PTPRQ: variants seen among roughly 807,000 people sequenced by gnomAD.
PTPRQ encodes the protein protein tyrosine phosphatase receptor type Q.
A neutral mutation model predicts 246.0 loss-of-function variants in PTPRQ; 199 were observed. That is an observed-to-expected ratio of 0.81 (90% CI 0.72 to 0.91). PTPRQ has a LOEUF of 0.91. PTPRQ is among the 40% of genes least tolerant of loss of function. The pLI, the probability that PTPRQ is intolerant of heterozygous loss-of-function variation, is 0.00. For synonymous variants in PTPRQ, 869 were observed against 853.2 expected, an observed-to-expected ratio of 1.02 and a Z score of -0.32; for missense variants, 2,624 against 2,528.4, an observed-to-expected ratio of 1.04 and a Z score of -0.81.
chr12:80,452,487 T>G (rs529810312), intron 3 of PTPRQ, among the ~76,000 whole-genome samples: 1 of 152,328 alleles, frequency 6.6e-6, no homozygotes, highest in East Asian at 1.9e-4. Context: ...TTGGCATGAT[T>G]TTTCAGTGGC....
chr12:80,648,262 A>G (rs1014624788), intron 35 of PTPRQ, among the ~76,000 whole-genome samples: 37 of 152,182 alleles, frequency 2.4e-4, no homozygotes, highest in Admixed American at 1.5e-3. Context: ...TTTGTTGTGC[A>G]TGACGTAAGT....
chr12:80,608,106 G>A (rs914497910), intron 27 of PTPRQ, among the ~76,000 whole-genome samples: 1 of 150,638 alleles, frequency 6.6e-6, no homozygotes, highest in Non-Finnish European at 1.5e-5. Context: ...GAATGAATAG[G>A]GGTACACAAG....
At chr12:80,498,887 AC>A (rs5799481) in intron 14 of PTPRQ, among the ~76,000 whole-genome samples, 38,097 of 151,946 alleles carry the variant, frequency 0.25, 5,466 homozygotes, top group African/African-American at 0.39. Flanking sequence ...ATAATCTTTT[AC>A]TTAGTATTGA....
chr12:80,634,225 T>G (rs1899553692), intron 34 of PTPRQ, among the ~76,000 whole-genome samples: 1 of 152,204 alleles, frequency 6.6e-6, no homozygotes, highest in African/African-American at 2.4e-5. Flanking sequence ...ACTTTCCATA[T>G]CATCCTTGAT....
chr12:80,495,908 T>C, intron 12 of PTPRQ, 91 bp from the exon 13 acceptor site: 1 of 1,414,292 alleles, frequency 7.1e-7, no homozygotes, highest in Admixed American at 2.9e-5. Flanking sequence ...GTCCCCCGTA[T>C]AAATTCTTCT....
chr12:80,539,532 G>C (rs1896085699), intron 19 of PTPRQ, among the ~76,000 whole-genome samples: 1 of 152,026 alleles, frequency 6.6e-6, no homozygotes, highest in African/African-American at 2.4e-5. Flanking sequence ...TTGGCTTGGA[G>C]TTTTTATTCT....
chr12:80,587,058 T>C (rs1387187613), intron 25 of PTPRQ, among the ~76,000 whole-genome samples: 1 of 152,204 alleles, frequency 6.6e-6, no homozygotes, highest in Admixed American at 6.5e-5. Flanking sequence ...ATTGATACTT[T>C]TATTGTTTAC....
At chr12:80,480,541 A>T (rs200961797) in intron 8 of PTPRQ, among the ~76,000 whole-genome samples, 2,187 of 142,300 alleles carry the variant, frequency 0.015, 65 homozygotes, top group African/African-American at 0.055. Context: ...AACTGAAGGA[A>T]ACAGAGACAC....
intron 30 of PTPRQ, among the ~76,000 whole-genome samples, chr12:80,619,070 G>A (rs1031961220): frequency 8.6e-5 from 13 of 151,362 alleles, no homozygotes; most frequent in Non-Finnish European, 1.5e-5. Flanking sequence ...AAGTAAATAT[G>A]TTTATGCATT....
At position 80,460,698 on chromosome 12, in the gene PTPRQ, A is replaced by G. The variant is rs1465768990; in HGVS notation, c.706A>G (p.Thr236Ala). ...FLWSTASPSP[T>A]LGRVTPPSRT... ...ATGGAGTACAGCCAGCCCTTCTCCAACCCTTGGTAGAGTTACACCTCCATC... is the reference window on the plus strand; with the variant it reads ...ATGGAGTACAGCCAGCCCTTCTCCAGCCCTTGGTAGAGTTACACCTCCATC... Residue 236 changes from threonine to alanine, a missense_variant, in exon 6 of 45, where the codon ACC (threonine) becomes GCC (alanine). Thr to Ala is a moderately conservative substitution (Grantham distance 58, BLOSUM62 0). Coordinates refer to ENST00000644991, the MANE Select transcript of PTPRQ (RefSeq NM_001145026.2). The G allele has an allele frequency of 7.5e-6, 3 of 399,156 alleles. No homozygotes were observed. The highest frequency in any genetic ancestry group is 1.3e-5 in the Non-Finnish European group (3 of 226,188). 24.7% of individuals were successfully genotyped at this position (399,156 alleles called of 1,614,324 possible). A position where few individuals can be genotyped will look rare whatever the true frequency, so the allele number is the denominator to read the frequency against.
rs902069273 is a variant in PTPRQ at position 80,679,970 on chromosome 12, G to T, written c.*947G>T. On this transcript the variant is annotated 3_prime_UTR_variant, in exon 45 of 45. Transcript: ENST00000644991. ...TCCAAATGGATTATGTTAAATGGCC[G>T]TCATTTCATTTCCCAAGGTTGATTT... The T allele has an allele frequency of 6.6e-6, 1 of 151,630 alleles. No individual in the cohort carries two copies. 9.4% of individuals were successfully genotyped at this position (151,630 alleles called of 1,614,324 possible). A position where few individuals can be genotyped will look rare whatever the true frequency, so the allele number is the denominator to read the frequency against.
In PTPRQ at chr12:80,444,828, A is replaced by C. The variant is rs771093567; in HGVS notation, c.142A>C (p.Ile48Leu). The C allele has an allele frequency of 8.5e-6, 13 of 1,533,276 alleles. No individual in the cohort carries two copies. The South Asian group carries it at 1.6e-4, about 19-fold the overall frequency. The allele number at this position is 1,533,276 out of a possible 1,614,324, so 95.0% of individuals were successfully genotyped here. A position where few individuals can be genotyped will look rare whatever the true frequency, so the allele number is the denominator to read the frequency against. The change falls in exon 2 of 45, where the codon ATA (isoleucine) becomes CTA (leucine). Residue 48 changes from isoleucine (I) to leucine (L), a missense_variant. Physicochemically the swap from Ile to Leu is conservative, Grantham distance 5. Coordinates refer to ENST00000644991, the MANE Select transcript of PTPRQ (RefSeq NM_001145026.2). The part of the protein sequence containing the change: ...STTYTSPVTR[I>L]VTTNVTKPGP... Reference sequence around the variant, plus strand: ...AACATACACCTCACCTGTTACTAGAATAGTGACAACAAATGTAACAAGTGA... The same window carrying C: ...AACATACACCTCACCTGTTACTAGACTAGTGACAACAAATGTAACAAGTGA...
At chr12:80,606,827 C>A (rs978381687) in intron 27 of PTPRQ, among the ~76,000 whole-genome samples, 1 of 150,522 alleles carries the variant, frequency 6.6e-6, no homozygotes, top group South Asian at 2.1e-4. Context: ...TGTAATTAGC[C>A]AAAAATAATT....
intron 8 of PTPRQ, among the ~76,000 whole-genome samples, chr12:80,483,574 A>G (rs1894156622): frequency 6.6e-6 from 1 of 152,192 alleles, no homozygotes; most frequent in African/African-American, 2.4e-5. Flanking sequence ...ATGTATTTAA[A>G]GACATTTAAT....
chr12:80,467,106 C>T (rs1893450011), intron 6 of PTPRQ, among the ~76,000 whole-genome samples: 1 of 152,186 alleles, frequency 6.6e-6, no homozygotes, highest in African/African-American at 2.4e-5. Flanking sequence ...ACAACCTACT[C>T]ATCTGACAAA....
In PTPRQ at chr12:80,451,034, C is replaced by T. The variant is rs12302833; in HGVS notation, c.390+5317C>T. Among the ~76,000 whole-genome samples, 747 of 152,102 alleles carry T rather than the reference C, an allele frequency of 4.9e-3. 7 individuals carry two copies. Among genetic ancestry groups the T allele is most frequent in the African/African-American group, 0.017 (723 of 41,470 alleles). On this transcript the variant is annotated intron_variant, in intron 3 of 44. Transcript: ENST00000644991. Reference sequence around the variant, plus strand: ...GGACTCTTTTTCGTTGGCAAGCTATCGCTTATTGCCACAATTTCAGAGCCT... The same window carrying T: ...GGACTCTTTTTCGTTGGCAAGCTATTGCTTATTGCCACAATTTCAGAGCCT...
intron 7 of PTPRQ, among the ~76,000 whole-genome samples, chr12:80,471,208 A>G (rs989154847): frequency 2.6e-5 from 4 of 152,006 alleles, no homozygotes; most frequent in Non-Finnish European, 5.9e-5. Context: ...AGCAAGGACA[A>G]CACCTACCAC....
At chr12:80,594,612 C>G (rs539719002) in intron 26 of PTPRQ, among the ~76,000 whole-genome samples, 1 of 152,090 alleles carries the variant, frequency 6.6e-6, no homozygotes, top group Non-Finnish European at 1.5e-5. Flanking sequence ...CAAGTCTTTT[C>G]CTTTCTGTGT....
intron 14 of PTPRQ, among the ~76,000 whole-genome samples, chr12:80,504,633 G>A (rs1894899170): frequency 2.6e-5 from 4 of 151,716 alleles, no homozygotes; most frequent in African/African-American, 7.3e-5. Flanking sequence ...TATGTGGTTT[G>A]TGTTGAAGTT....
Sources: allele counts gnomAD v4.1 joint callset (sites outside exome capture counted in the v4.1 genomes callset), GRCh38; gene constraint gnomAD v4.1.1; transcripts MANE v1.5; gene names NCBI Gene and HGNC (gene_info 2026-07-23, HGNC 2026-07-21).